The following ITPR2 variants were observed in gnomAD, a reference collection of about 807,000 sequenced individuals.
ITPR2 encodes inositol 1,4,5-trisphosphate receptor type 2.
Under a neutral mutation model 317.1 loss-of-function variants are expected in ITPR2, and 207 were observed. That is an observed-to-expected ratio of 0.65 (90% CI 0.58 to 0.73). ITPR2 has a LOEUF of 0.73. Ranked by LOEUF, ITPR2 falls within the 30% of genes least tolerant of loss-of-function variation. The pLI is 0.00. For missense variants in ITPR2, 2,613 were observed against 3,284.0 expected (o/e 0.80, Z 4.99); for synonymous variants, 1,156 against 1,149.1 (o/e 1.01, Z -0.12).
chr12:26,572,996 CATTTATTTATTTATTTATTTATTT>C (rs369855705), intron 34 of ITPR2, among the ~76,000 whole-genome samples: 2 of 149,490 alleles, frequency 1.3e-5, no homozygotes, highest in African/African-American at 2.5e-5. Flanking sequence ...ACTTGGATTT[CATTTATTTATTTATTTATTTATTT>C]ATTTATTTAT....
At chr12:26,488,883 A>G (rs1942733113) in intron 39 of ITPR2, among the ~76,000 whole-genome samples, 1 of 152,204 alleles carries the variant, frequency 6.6e-6, no homozygotes, top group African/African-American at 2.4e-5. Flanking sequence ...TGTGATGAAT[A>G]GAGTGCTCTT....
At chr12:26,488,499 A>G (rs1025499222) in intron 39 of ITPR2, among the ~76,000 whole-genome samples, 11 of 152,172 alleles carry the variant, frequency 7.2e-5, no homozygotes, top group African/African-American at 2.4e-4. Flanking sequence ...TGGGCAATGT[A>G]TATACACAGA....
At position 26,464,436 on chromosome 12, in the gene ITPR2, A is replaced by C. The variant is rs552665712; in HGVS notation, c.6342+10860T>G. Among the ~76,000 whole-genome samples the C allele has an allele frequency of 2.6e-4, 40 of 152,254 alleles. No homozygotes were observed. The South Asian group carries it at 4.1e-3, about 16-fold the overall frequency. ...ACTCTTATGAGAATCTAATAGCGCC[A>C]CTGATCTAAGAGGAGGCAGAGCTCA... On this transcript the variant is annotated intron_variant, in intron 45 of 56. Transcript: ENST00000381340.
chr12:26,341,412 A>G (rs1231716128), intron 55 of ITPR2, among the ~76,000 whole-genome samples: 2 of 152,282 alleles, frequency 1.3e-5, no homozygotes, highest in African/African-American at 4.8e-5. Context: ...AATGAGAGTC[A>G]CTGGAGTGTT....
chr12:26,767,787 T>G (rs916836470), intron 2 of ITPR2, among the ~76,000 whole-genome samples: 20 of 152,256 alleles, frequency 1.3e-4, no homozygotes, highest in African/African-American at 4.8e-4. Context: ...TTTCTTCTTT[T>G]TATATATTTG....
intron 34 of ITPR2, among the ~76,000 whole-genome samples, chr12:26,568,804 T>C (rs903125196): frequency 2.6e-5 from 4 of 152,320 alleles, no homozygotes; most frequent in African/African-American, 9.6e-5. Context: ...ATTTCCTGTA[T>C]CATGTCAAAG....
At chr12:26,590,726 G>A (rs1253084392) in intron 32 of ITPR2, among the ~76,000 whole-genome samples, 3 of 152,134 alleles carry the variant, frequency 2.0e-5, no homozygotes, top group Non-Finnish European at 4.4e-5. Context: ...AATTTCTAGA[G>A]TAACACCCAA....
intron 55 of ITPR2, among the ~76,000 whole-genome samples, chr12:26,370,636 T>C (rs552586469): frequency 1.9e-4 from 29 of 152,106 alleles, no homozygotes; most frequent in Admixed American, 3.3e-4. Context: ...TTACTACTAG[T>C]TGGCAAACAC....
intron 34 of ITPR2, among the ~76,000 whole-genome samples, chr12:26,578,045 T>A (rs1945316325): frequency 1.3e-5 from 2 of 152,220 alleles, no homozygotes; most frequent in South Asian, 4.1e-4. Context: ...TTTCCCAATG[T>A]CTGCAGAGCC....
At chr12:26,550,497 A>G (rs1017800158) in intron 36 of ITPR2, 142 bp from the exon 37 acceptor site, 10 of 579,214 alleles carry the variant, frequency 1.7e-5, no homozygotes, top group African/African-American at 4.0e-5. Context: ...AAAAGTTTTA[A>G]GATCACACTT....
intron 1 of ITPR2, among the ~76,000 whole-genome samples, chr12:26,802,612 T>G (rs7299345): frequency 2.7e-4 from 6 of 21,924 alleles, no homozygotes; most frequent in Non-Finnish European, 7.4e-4. Flanking sequence ...GATATAGATA[T>G]ATATAGATAT....
intron 13 of ITPR2, among the ~76,000 whole-genome samples, chr12:26,671,136 T>C (rs1299204946): frequency 3.9e-5 from 6 of 152,058 alleles, no homozygotes; most frequent in Admixed American, 3.9e-4. Context: ...CAGGATATTA[T>C]CCAGGAGAAC....
chr12:26,432,901 A>G (rs1229581832), intron 48 of ITPR2, among the ~76,000 whole-genome samples: 3 of 152,028 alleles, frequency 2.0e-5, no homozygotes, highest in Non-Finnish European at 4.4e-5. Context: ...AATCTCACCC[A>G]CCTCTAAATC....
intron 2 of ITPR2, among the ~76,000 whole-genome samples, chr12:26,764,433 A>G (rs1036997701): frequency 6.6e-6 from 1 of 152,108 alleles, no homozygotes; most frequent in Non-Finnish European, 1.5e-5. Context: ...CAACTGGGAA[A>G]AATATATGCA....
intron 48 of ITPR2, among the ~76,000 whole-genome samples, chr12:26,432,086 C>G (rs1451687393): frequency 2.0e-5 from 3 of 152,084 alleles, no homozygotes; most frequent in African/African-American, 7.2e-5. Flanking sequence ...GTCAACACCT[C>G]ATATAACTAC....
At chr12:26,605,032 G>A (rs1946089673) in intron 26 of ITPR2, among the ~76,000 whole-genome samples, 1 of 149,160 alleles carries the variant, frequency 6.7e-6, no homozygotes, top group Non-Finnish European at 1.5e-5. Context: ...AGGTGGCAGT[G>A]AGCCAAGATT....
At chr12:26,802,552 TATATATCTATATATAGATATAGATATAG>T (rs1177469104) in intron 1 of ITPR2, among the ~76,000 whole-genome samples, 3 of 146,076 alleles carry the variant, frequency 2.1e-5, no homozygotes, top group South Asian at 2.3e-4. Context: ...AGGAGATATA[TATATATCTATATATAGATATAGATATAG>T]ATATATCTAT....
At chr12:26,805,129 G>T (rs928763203) in intron 1 of ITPR2, among the ~76,000 whole-genome samples, 1 of 151,990 alleles carries the variant, frequency 6.6e-6, no homozygotes, top group Non-Finnish European at 1.5e-5. Context: ...AACCTAATAG[G>T]ACTAAAATGG....
At chr12:26,592,960 T>C (rs1428639967) in intron 32 of ITPR2, among the ~76,000 whole-genome samples, 2 of 152,222 alleles carry the variant, frequency 1.3e-5, no homozygotes, top group African/African-American at 4.8e-5. Flanking sequence ...TTATACACAT[T>C]ATCTCATTGG....
Sources: gnomAD v4.1 joint callset for allele counts (sites outside exome capture counted in the v4.1 genomes callset) on GRCh38, gnomAD v4.1.1 for gene constraint, MANE v1.5 for transcripts, NCBI Gene and HGNC (gene_info 2026-07-23, HGNC 2026-07-21) for gene names.